The following PPP2R3A variants were observed in gnomAD, a reference collection of about 807,000 sequenced individuals.
PPP2R3A encodes the protein serine/threonine-protein phosphatase 2A regulatory subunit B'' subunit alpha.
A neutral mutation model predicts 106.9 loss-of-function variants in PPP2R3A; 80 were observed. The ratio of observed to expected loss-of-function variants is 0.75; its 90% CI spans 0.62 to 0.90. The LOEUF is 0.90. Among genes scored for constraint, PPP2R3A ranks in the 40% least tolerant of loss-of-function variants. The pLI is 0.00. For missense variants in PPP2R3A, 1,386 were observed against 1,350.4 expected (o/e 1.03, Z -0.41); for synonymous variants, 483 against 468.3 (o/e 1.03, Z -0.41).
intron 10 of PPP2R3A, among the ~76,000 whole-genome samples, chr3:136,098,960 C>T (rs770011221): frequency 2.0e-5 from 3 of 152,102 alleles, no homozygotes; most frequent in African/African-American, 4.8e-5. Flanking sequence ...AGAGGGTCTC[C>T]GGACTGGGGA....
chr3:136,064,063 T>C (rs1423251689), intron 5 of PPP2R3A, among the ~76,000 whole-genome samples: 10 of 151,744 alleles, frequency 6.6e-5, no homozygotes, highest in Non-Finnish European at 1.5e-4. Flanking sequence ...GTGGCACATA[T>C]ACACCATGGA....
At chr3:136,083,671 A>G (rs1936849900) in intron 8 of PPP2R3A, among the ~76,000 whole-genome samples, 1 of 152,218 alleles carries the variant, frequency 6.6e-6, no homozygotes. Context: ...AACAGTTTGG[A>G]GGGCTCAGAT....
At chr3:136,008,704 C>T (rs1933935493) in intron 2 of PPP2R3A, among the ~76,000 whole-genome samples, 1 of 152,066 alleles carries the variant, frequency 6.6e-6, no homozygotes, top group Non-Finnish European at 1.5e-5. Flanking sequence ...CAATATTATT[C>T]ATGTTCCTCC....
intron 1 of PPP2R3A, among the ~76,000 whole-genome samples, chr3:135,987,850 C>A (rs1932987325): frequency 6.6e-6 from 1 of 152,210 alleles, no homozygotes; most frequent in African/African-American, 2.4e-5. Flanking sequence ...TTGCATGGTG[C>A]AGATATAAAA....
chr3:136,131,377 G>A (rs1938409553), intron 13 of PPP2R3A, among the ~76,000 whole-genome samples: 1 of 152,200 alleles, frequency 6.6e-6, no homozygotes, highest in Non-Finnish European at 1.5e-5. Context: ...CTTCTCAAAA[G>A]AAGACACCTA....
rs1172989511 is a variant in PPP2R3A, at chr3:136,001,421, C to G, written c.-78C>G. The G allele has an allele frequency of 8.4e-7, 1 of 1,190,374 alleles. No homozygotes were observed. Among genetic ancestry groups the G allele is most frequent in the African/African-American group, 1.5e-5 (1 of 65,486 alleles). 73.7% of individuals were successfully genotyped at this position (1,190,374 alleles called of 1,614,324 possible). A position where few individuals can be genotyped will look rare whatever the true frequency, so the allele number is the denominator to read the frequency against. Reference sequence around the variant, plus strand: ...ACATTGTTATTAAATATATTTTCAGCTAACTGTCATTTAGGAGAATTTTCA... The same window carrying G: ...ACATTGTTATTAAATATATTTTCAGGTAACTGTCATTTAGGAGAATTTTCA... On this transcript the variant is annotated 5_prime_UTR_variant, in exon 2 of 14. Coordinates refer to ENST00000264977, the MANE Select transcript of PPP2R3A (RefSeq NM_002718.5).
chr3:136,015,451 T>C lies in PPP2R3A; in HGVS notation c.1996-11381T>C, dbSNP rs58362057. The stretch of plus-strand genomic sequence containing the variant: ...TGTGAATCCATCTGGTCCTGGACTT[T>C]TTTTTGTTGGCAATTTTTTTTTATT... On this transcript the variant is annotated intron_variant, in intron 2 of 13. Coordinates refer to ENST00000264977, the MANE Select transcript of PPP2R3A (RefSeq NM_002718.5). Among the ~76,000 whole-genome samples, 1,099 of 152,240 alleles carry C rather than the reference T, an allele frequency of 7.2e-3. 11 individuals carry two copies. Among genetic ancestry groups the C allele is most frequent in the African/African-American group, 0.026 (1,077 of 41,560 alleles).
chr3:136,101,489 G>A (rs1476547967), intron 10 of PPP2R3A, among the ~76,000 whole-genome samples: 3 of 152,114 alleles, frequency 2.0e-5, no homozygotes, highest in Admixed American at 6.5e-5. Flanking sequence ...CAGCAGCGCA[G>A]TCTTGGCTCA....
At chr3:136,125,625 T>G (rs1407676681) in intron 13 of PPP2R3A, among the ~76,000 whole-genome samples, 1 of 151,880 alleles carries the variant, frequency 6.6e-6, no homozygotes, top group African/African-American at 2.4e-5. Flanking sequence ...GGTGGGAGGA[T>G]CGCTTGAGCC....
chr3:135,966,502 GGCC>G (rs923346529), intron 1 of PPP2R3A, among the ~76,000 whole-genome samples: 9 of 152,054 alleles, frequency 5.9e-5, no homozygotes, highest in Non-Finnish European at 8.8e-5. Flanking sequence ...GCGCCGACCT[GGCC>G]GCCGCCGCCG....
Position 135,968,835 on chromosome 3 carries a change from CTG to C in PPP2R3A, c.-441+2988_-441+2989del, listed in dbSNP as rs1937164348. On this transcript the variant is annotated intron_variant, in intron 1 of 13. Transcript: ENST00000264977. ...CACAAATGGTAGCATACTGTACACT[CTG>C]TTTTCTTAAAAATGTCTTGGGAATC... Among the ~76,000 whole-genome samples the C allele has an allele frequency of 2.0e-5, 3 of 152,274 alleles. No individual in the cohort carries two copies. In the South Asian group the frequency reaches 6.2e-4, roughly 32 times the overall value.
chr3:136,055,206 A>G, intron 5 of PPP2R3A: 1 of 754,910 alleles, frequency 1.3e-6, no homozygotes, highest in Non-Finnish European at 2.2e-6. Flanking sequence ...ACTGTGCAAG[A>G]TAAAATTAAA....
At chr3:136,006,074 C>G (rs1933834690) in intron 2 of PPP2R3A, among the ~76,000 whole-genome samples, 1 of 152,164 alleles carries the variant, frequency 6.6e-6, no homozygotes, top group Admixed American at 6.6e-5. Context: ...CCCGTGACCC[C>G]CAATCTAGGT....
In PPP2R3A at chr3:136,145,144, T is replaced by C; in HGVS notation, c.3431T>C (p.Leu1144Pro). ...AGCCTTCCAGAGAAATGTGGAAAGC[T>C]TCAATCAGTGGATGAAGAATAGCTG... The part of the protein sequence containing the change: ...SASLPEKCGK[L>P]QSVDEE The change falls in exon 14 of 14, where the codon CTT (leucine) becomes CCT (proline). Residue 1144 changes from leucine to proline, a missense_variant. Coordinates refer to ENST00000264977, the MANE Select transcript of PPP2R3A (RefSeq NM_002718.5). The C allele has an allele frequency of 6.2e-7, 1 of 1,612,060 alleles. No individual in the cohort carries two copies. Among genetic ancestry groups the C allele is most frequent in the Non-Finnish European group, 8.5e-7 (1 of 1,179,394 alleles).
At chr3:136,053,434 T>C (rs1481164320) in intron 5 of PPP2R3A, among the ~76,000 whole-genome samples, 1 of 152,118 alleles carries the variant, frequency 6.6e-6, no homozygotes, top group Admixed American at 6.5e-5. Context: ...GAGCTGTGTG[T>C]GGGCTCAAGT....
intron 2 of PPP2R3A, among the ~76,000 whole-genome samples, chr3:136,008,014 A>G (rs953162219): frequency 2.0e-5 from 3 of 152,200 alleles, no homozygotes; most frequent in African/African-American, 7.2e-5. Flanking sequence ...GAACCTTCCT[A>G]TGTTAATGAT....
intron 13 of PPP2R3A, among the ~76,000 whole-genome samples, chr3:136,131,741 A>C (rs1938427605): frequency 6.6e-6 from 1 of 152,230 alleles, no homozygotes; most frequent in South Asian, 2.1e-4. Context: ...TATTTGCAAT[A>C]GCAAAGACTT....
rs73863194 is a variant in PPP2R3A, at chr3:136,142,803, C to T, written c.3330-2240C>T. Among the ~76,000 whole-genome samples the T allele has an allele frequency of 4.8e-3, 734 of 152,088 alleles. 7 individuals carry two copies. The highest frequency in any genetic ancestry group is 0.017 in the African/African-American group (713 of 41,436). On this transcript the variant is annotated intron_variant, in intron 13 of 13. Coordinates refer to ENST00000264977, the MANE Select transcript of PPP2R3A (RefSeq NM_002718.5). ...CTTCACACTTAACTCTGAAAATATG[C>T]GTTATTCATAGACCTACACTGAGGT...
Position 136,026,814 on chromosome 3 carries a change from A to G in PPP2R3A, c.1996-18A>G, listed in dbSNP as rs756269195. Reference sequence around the variant, plus strand: ...CTGTTTAAATTTTTTGTGTCTCATAATCTTATTTTTCTTTTAGATTCAAAA... The same window carrying G: ...CTGTTTAAATTTTTTGTGTCTCATAGTCTTATTTTTCTTTTAGATTCAAAA... On this transcript the variant is annotated intron_variant, in intron 2 of 13. Coordinates refer to ENST00000264977, the MANE Select transcript of PPP2R3A (RefSeq NM_002718.5). 1.3e-6 allele frequency: 2 copies of G among 1,583,002 alleles called. No homozygotes were observed. The highest frequency in any genetic ancestry group is 1.2e-5 in the South Asian group (1 of 86,454).
Sources: allele counts gnomAD v4.1 joint callset (sites outside exome capture counted in the v4.1 genomes callset), GRCh38; gene constraint gnomAD v4.1.1; transcripts MANE v1.5; gene names NCBI Gene and HGNC (gene_info 2026-07-23, HGNC 2026-07-21).